TIMMDC1: variants seen among roughly 807,000 people sequenced by gnomAD.
TIMMDC1 encodes the protein complex I assembly factor TIMMDC1, mitochondrial.
A neutral mutation model predicts 32.6 loss-of-function variants in TIMMDC1; 25 were observed. The observed-to-expected ratio is 0.77, with a 90% confidence interval of 0.56 to 1.07. TIMMDC1 has a LOEUF of 1.07. TIMMDC1 is among the 50% of genes least tolerant of loss of function. The probability of loss-of-function intolerance (pLI) is 0.00; values close to 1 mark genes in which losing one functional copy is unlikely to be tolerated. For missense variants in TIMMDC1, 329 were observed against 349.2 expected, an observed-to-expected ratio of 0.94 and a Z score of 0.46; for synonymous variants, 130 against 127.6, an observed-to-expected ratio of 1.02 and a Z score of -0.13.
chr3:119,514,728 A>T (rs532723538), intron 5 of TIMMDC1, among the ~76,000 whole-genome samples: 1 of 152,284 alleles, frequency 6.6e-6, no homozygotes, highest in African/African-American at 2.4e-5. Flanking sequence ...CTGAGCATGT[A>T]TTGCATGTGA....
At chr3:119,516,119 A>C (rs1462599036) in intron 5 of TIMMDC1, among the ~76,000 whole-genome samples, 1 of 152,234 alleles carries the variant, frequency 6.6e-6, no homozygotes, top group Non-Finnish European at 1.5e-5. Context: ...ACATAGCATA[A>C]CATTCACCAT....
chr3:119,503,497 G>A (rs888739268), intron 2 of TIMMDC1, 35 bp from the exon 3 acceptor site: 1 of 1,528,090 alleles, frequency 6.5e-7, no homozygotes. Flanking sequence ...ATATGATGGT[G>A]TCTTAGAACC....
At chr3:119,508,000 C>T (rs1450465006) in intron 4 of TIMMDC1, among the ~76,000 whole-genome samples, 1 of 152,158 alleles carries the variant, frequency 6.6e-6, no homozygotes. Context: ...TTTGGATATT[C>T]CCCAGGCTGG....
At chr3:119,512,582 T>A (rs1455083166) in intron 4 of TIMMDC1, among the ~76,000 whole-genome samples, 2 of 151,688 alleles carry the variant, frequency 1.3e-5, no homozygotes, top group African/African-American at 2.4e-5. Flanking sequence ...CCGGCCCCAG[T>A]TGTTGTTTTT....
At chr3:119,510,194 T>C (rs2081944399) in intron 4 of TIMMDC1, among the ~76,000 whole-genome samples, 1 of 152,136 alleles carries the variant, frequency 6.6e-6, no homozygotes, top group Non-Finnish European at 1.5e-5. Flanking sequence ...AAAGTGTAAA[T>C]ATATAAATAG....
intron 1 of TIMMDC1, 31 bp from the exon 2 acceptor site, chr3:119,500,664 C>A (rs758800721): frequency 4.4e-6 from 7 of 1,596,644 alleles, no homozygotes; most frequent in Middle Eastern, 1.7e-4. Flanking sequence ...ATAAACTAAT[C>A]CCAAACAACA....
intron 4 of TIMMDC1, among the ~76,000 whole-genome samples, chr3:119,506,611 T>C (rs1026598954): frequency 6.6e-6 from 1 of 152,110 alleles, no homozygotes; most frequent in African/African-American, 2.4e-5. Context: ...ACTCATTAAA[T>C]ATATATGGAT....
At chr3:119,509,771 C>T (rs1340528467) in intron 4 of TIMMDC1, among the ~76,000 whole-genome samples, 1 of 151,688 alleles carries the variant, frequency 6.6e-6, no homozygotes, top group Non-Finnish European at 1.5e-5. Context: ...CTGCAACCTC[C>T]ACCTTCCGGG....
chr3:119,511,354 A>C (rs1411965431), intron 4 of TIMMDC1, among the ~76,000 whole-genome samples: 2 of 152,052 alleles, frequency 1.3e-5, no homozygotes, highest in Non-Finnish European at 2.9e-5. Context: ...ATGCACCTGT[A>C]GTCCCAGCTA....
intron 4 of TIMMDC1, among the ~76,000 whole-genome samples, chr3:119,512,670 T>C (rs1560048151): frequency 6.6e-6 from 1 of 152,132 alleles, no homozygotes; most frequent in Admixed American, 6.6e-5. Context: ...GGATTAAAGG[T>C]GATTTTGATT....
In TIMMDC1 at chr3:119,524,641, T is replaced by G. The variant is rs2082053815; in HGVS notation, c.*885T>G. 1 of 152,234 alleles carries G rather than the reference T, an allele frequency of 6.6e-6. No homozygotes were observed. Among genetic ancestry groups the G allele is most frequent in the Non-Finnish European group, 1.5e-5 (1 of 68,048 alleles). The allele number at this position is 152,234 out of a possible 1,614,324, so 9.4% of individuals were successfully genotyped here. ...AGATGTGCATTTGAGAAATGTTGTC[T>G]TCTTTTGCTGTTCAACTCCAGATTT... On this transcript the variant is annotated 3_prime_UTR_variant, in exon 7 of 7. Transcript: ENST00000494664.
At chr3:119,506,518 C>CAA (rs202052248) in intron 4 of TIMMDC1, among the ~76,000 whole-genome samples, 5,676 of 112,762 alleles carry the variant, frequency 0.05, 382 homozygotes, top group African/African-American at 0.16. Flanking sequence ...GACCCTGTCT[C>CAA]AAAAAAAAAA....
In TIMMDC1 at chr3:119,523,601, T is replaced by C. The variant is rs752318658; in HGVS notation, c.708-5T>C. ...ATTTGATTTATCCTTTTTATCTGAT[T>C]ACAGGAAAGGCAGACTACAAGTTAC... On this transcript the variant is annotated splice_region_variant and splice_polypyrimidine_tract_variant and intron_variant, in intron 6 of 6. Coordinates refer to ENST00000494664, the MANE Select transcript of TIMMDC1 (RefSeq NM_016589.4). 6 of 1,591,320 alleles carry C rather than the reference T, an allele frequency of 3.8e-6. No individual in the cohort carries two copies. The highest frequency in any genetic ancestry group is 2.7e-5 in the African/African-American group (2 of 73,406).
At chr3:119,507,521 T>C (rs920993672) in intron 4 of TIMMDC1, among the ~76,000 whole-genome samples, 1 of 152,256 alleles carries the variant, frequency 6.6e-6, no homozygotes, top group Non-Finnish European at 1.5e-5. Context: ...TCCATCTCTC[T>C]GCTTATATTG....
At chr3:119,514,825 C>T (rs550824105) in intron 5 of TIMMDC1, among the ~76,000 whole-genome samples, 16 of 152,230 alleles carry the variant, frequency 1.1e-4, no homozygotes, top group Non-Finnish European at 1.5e-4. Context: ...AGGTCTTGGC[C>T]GGGCTAGGCT....
intron 5 of TIMMDC1, 87 bp from the exon 6 acceptor site, chr3:119,517,118 T>G: frequency 1.4e-6 from 1 of 739,098 alleles, no homozygotes; most frequent in East Asian, 2.5e-5. Flanking sequence ...GTGGCTCTGG[T>G]GTTGCTCACA....
rs2107737132 is a variant in TIMMDC1, at chr3:119,523,895, GTCTTTT to G, written c.*146_*151del. On this transcript the variant is annotated 3_prime_UTR_variant, in exon 7 of 7. Coordinates refer to ENST00000494664, the MANE Select transcript of TIMMDC1 (RefSeq NM_016589.4). The stretch of plus-strand genomic sequence containing the variant: ...CCTGTGGTGGCAGTGGCTTGCTCTT[GTCTTTT>G]TCTTTTCTTTTTAACTAAGAATGGG... 1.3e-6 allele frequency: 1 copy of G among 768,248 alleles called. No homozygotes were observed. The highest frequency in any genetic ancestry group is 2.7e-5 in the East Asian group (1 of 36,614). The allele number at this position is 768,248 out of a possible 1,614,324, so 47.6% of individuals were successfully genotyped here.
intron 6 of TIMMDC1, among the ~76,000 whole-genome samples, chr3:119,521,695 TA>T (rs35164005): frequency 3.1e-3 from 436 of 141,824 alleles, no homozygotes; most frequent in African/African-American, 6.2e-3. Flanking sequence ...CCTGTCTCTT[TA>T]AAAAAAAAAA....
intron 5 of TIMMDC1, among the ~76,000 whole-genome samples, 168 bp downstream of exon 5, chr3:119,513,887 A>G (rs905192809): frequency 1.6e-4 from 25 of 152,200 alleles, no homozygotes; most frequent in Admixed American, 1.6e-3. Context: ...ATTCTACCCC[A>G]ATAGTTTATC....
Sources: gnomAD v4.1 joint callset for allele counts (sites outside exome capture counted in the v4.1 genomes callset) on GRCh38, gnomAD v4.1.1 for gene constraint, MANE v1.5 for transcripts, NCBI Gene and HGNC (gene_info 2026-07-23, HGNC 2026-07-21) for gene names.